BARD1: variants seen among roughly 807,000 people sequenced by gnomAD.
The protein encoded by BARD1 is BRCA1-associated RING domain protein 1.
Under a neutral mutation model 77.0 loss-of-function variants are expected in BARD1, and 73 were observed. The observed-to-expected ratio is 0.95, with a 90% CI of 0.79 to 1.15. The LOEUF is 1.15. Ranked by LOEUF, BARD1 falls within the 50% of genes most tolerant of loss-of-function variation. The probability of loss-of-function intolerance (pLI) is 0.00; values close to 1 mark genes in which losing one functional copy is unlikely to be tolerated. For synonymous variants in BARD1, 384 were observed against 338.0 expected (o/e 1.14, Z -1.49); for missense variants, 993 against 938.8 (o/e 1.06, Z -0.75).
intron 6 of BARD1, among the ~76,000 whole-genome samples, chr2:214,767,023 T>A (rs1018807550): frequency 6.6e-6 from 1 of 152,146 alleles, no homozygotes; most frequent in African/African-American, 2.4e-5. Flanking sequence ...CCCTTCTTTG[T>A]GTTCATGAAT....
chr2:214,800,191 A>G (rs1261393226), intron 1 of BARD1, among the ~76,000 whole-genome samples: 1 of 152,262 alleles, frequency 6.6e-6, no homozygotes, highest in African/African-American at 2.4e-5. Context: ...GTGCTATCAC[A>G]TATTAGTAAT....
At chr2:214,773,394 C>A (rs1461211803) in intron 4 of BARD1, among the ~76,000 whole-genome samples, 1 of 152,024 alleles carries the variant, frequency 6.6e-6, no homozygotes, top group East Asian at 1.9e-4. Context: ...AACAAACAAA[C>A]AAAAATGAAC....
At chr2:214,773,624 C>A (rs1434126090) in intron 4 of BARD1, among the ~76,000 whole-genome samples, 5 of 104,656 alleles carry the variant, frequency 4.8e-5, no homozygotes, top group East Asian at 4.4e-4. Context: ...TGTGCAATAG[C>A]ATTATGTTTT....
chr2:214,767,357 T>A, intron 6 of BARD1, 125 bp downstream of exon 6: 1 of 903,724 alleles, frequency 1.1e-6, no homozygotes, highest in Admixed American at 2.0e-5. Flanking sequence ...GATGATCACA[T>A]CTAATTTTAG....
In BARD1 at chr2:214,801,480, A is replaced by T. The variant is rs1020394557; in HGVS notation, c.159-4363T>A. ...TTCTTTTCACACACTGTTTACCATT[A>T]AAAAAAAATTTACTATTAAAAAGTT... On this transcript the variant is annotated intron_variant, in intron 1 of 10. Coordinates refer to ENST00000260947, the MANE Select transcript of BARD1 (RefSeq NM_000465.4). 2.0e-5 allele frequency among the ~76,000 whole-genome samples: 3 copies of T among 151,262 alleles called. 1 individual carries two copies. The highest frequency in any genetic ancestry group is 4.4e-5 in the Non-Finnish European group (3 of 67,908).
Position 214,745,228 on chromosome 2 carries a change from A to G in BARD1, c.1811-69T>C, listed in dbSNP as rs74531001. 0.049 allele frequency: 65,005 copies of G among 1,326,718 alleles called. 2,110 individuals are homozygous for G. Among genetic ancestry groups the G allele is most frequent in the African/African-American group, 0.15 (10,213 of 68,424 alleles). The allele number at this position is 1,326,718 out of a possible 1,614,324, so 82.2% of individuals were successfully genotyped here. A position where few individuals can be genotyped will look rare whatever the true frequency, so the allele number is the denominator to read the frequency against. On this transcript the variant is annotated intron_variant, in intron 8 of 10. Transcript: ENST00000260947. ...AAAGTATTTCTTTGGCCTGCTTCTT[A>G]TAACTCATCTATATTTTGTAAGCTT...
intron 3 of BARD1, among the ~76,000 whole-genome samples, chr2:214,786,971 G>A (rs892893476): frequency 6.6e-6 from 1 of 151,760 alleles, no homozygotes; most frequent in South Asian, 2.1e-4. Context: ...CTATAGGAAA[G>A]GTCAAAATGA....
chr2:214,741,848 A>G (rs1003145166), intron 9 of BARD1, among the ~76,000 whole-genome samples: 1 of 152,228 alleles, frequency 6.6e-6, no homozygotes, highest in African/African-American at 2.4e-5. Flanking sequence ...AATAAGAGAT[A>G]TTAACCAATT....
chr2:214,765,970 T>A (rs993281042), intron 6 of BARD1, among the ~76,000 whole-genome samples: 2 of 152,248 alleles, frequency 1.3e-5, no homozygotes, highest in African/African-American at 4.8e-5. Flanking sequence ...CCCTGCATTT[T>A]ATAATTCTTA....
rs1327957395 is a variant in BARD1 at position 214,745,871 on chromosome 2, A to C, written c.1678-17T>G. ...AGTGTTCATCTGTTAATATAAAAGG[A>C]GATACCAGTGTTAAAAACATTAGAC... On this transcript the variant is annotated splice_polypyrimidine_tract_variant and intron_variant, in intron 7 of 10. Coordinates refer to ENST00000260947, the MANE Select transcript of BARD1 (RefSeq NM_000465.4). 5.0e-6 allele frequency: 8 copies of C among 1,613,636 alleles called. No individual in the cohort carries two copies. The highest frequency in any genetic ancestry group is 5.9e-6 in the Non-Finnish European group (7 of 1,179,854).
intron 7 of BARD1, among the ~76,000 whole-genome samples, chr2:214,748,253 CAT>C (rs1228557723): frequency 6.6e-6 from 1 of 152,044 alleles, no homozygotes; most frequent in Non-Finnish European, 1.5e-5. Context: ...TATAATAAAA[CAT>C]AAAGCAAACA....
At chr2:214,790,223 C>A (rs1695453437) in intron 3 of BARD1, among the ~76,000 whole-genome samples, 1 of 152,082 alleles carries the variant, frequency 6.6e-6, no homozygotes, top group Non-Finnish European at 1.5e-5. Context: ...CTCCATTTAT[C>A]ATCATTAAAA....
intron 6 of BARD1, among the ~76,000 whole-genome samples, chr2:214,758,084 A>T (rs970630947): frequency 2.0e-5 from 3 of 152,164 alleles, no homozygotes; most frequent in Non-Finnish European, 4.4e-5. Flanking sequence ...TCCCAAAGGC[A>T]ATAAGAAACC....
intron 9 of BARD1, among the ~76,000 whole-genome samples, chr2:214,744,481 G>A (rs1490394894): frequency 1.3e-5 from 2 of 152,106 alleles, no homozygotes; most frequent in African/African-American, 4.8e-5. Context: ...ACAGTAACAT[G>A]AATCGCTTAG....
At position 214,731,456 on chromosome 2, in the gene BARD1, T is replaced by C. The variant is rs1193619094; in HGVS notation, c.1904-948A>G. Among the ~76,000 whole-genome samples, 3 of 152,250 alleles carry C rather than the reference T, an allele frequency of 2.0e-5. No homozygotes were observed. The East Asian group carries it at 5.8e-4, about 29-fold the overall frequency. On this transcript the variant is annotated intron_variant, in intron 9 of 10. Transcript: ENST00000260947. ...AACTGATGGCATGTATATATATTTA[T>C]CATGCTTCTGTTCTGATGGCATATA...
intron 4 of BARD1, among the ~76,000 whole-genome samples, chr2:214,772,190 T>G (rs937218969): frequency 6.6e-6 from 1 of 152,138 alleles, no homozygotes; most frequent in Non-Finnish European, 1.5e-5. Flanking sequence ...ACTAATGGAC[T>G]CAAGCAATCT....
intron 4 of BARD1, among the ~76,000 whole-genome samples, chr2:214,771,001 T>G (rs1559413755): frequency 6.6e-6 from 1 of 152,176 alleles, no homozygotes; most frequent in South Asian, 2.1e-4. Flanking sequence ...TTTTTAAAAA[T>G]CTCTAGCTGT....
intron 1 of BARD1, 132 bp downstream of exon 1, chr2:214,809,280 G>A (rs1696440191): frequency 7.5e-7 from 1 of 1,334,050 alleles, no homozygotes; most frequent in Non-Finnish European, 1.0e-6. Context: ...CCCGGCAGGT[G>A]CTAACCGCAC....
chr2:214,739,517 G>T (rs1277973557), intron 9 of BARD1, among the ~76,000 whole-genome samples: 1 of 151,900 alleles, frequency 6.6e-6, no homozygotes, highest in African/African-American at 2.4e-5. Flanking sequence ...CTAAACTTTA[G>T]TAAAAAGGGA....
Sources: allele counts gnomAD v4.1 joint callset (sites outside exome capture counted in the v4.1 genomes callset), GRCh38; gene constraint gnomAD v4.1.1; transcripts MANE v1.5; gene names NCBI Gene and HGNC (gene_info 2026-07-23, HGNC 2026-07-21).